The following LPP variants were observed in gnomAD, a reference collection of about 807,000 sequenced individuals.
LPP encodes lipoma-preferred partner.
A neutral mutation model predicts 60.4 loss-of-function variants in LPP; 38 were observed. That is an observed-to-expected ratio of 0.63 (90% CI 0.49 to 0.83). The LOEUF (loss-of-function observed/expected upper bound fraction) is 0.83, where lower values mean the gene tolerates loss of function less well. Among genes scored for constraint, LPP ranks in the 40% least tolerant of loss-of-function variants. The probability of loss-of-function intolerance (pLI) is 0.00; values close to 1 mark genes in which losing one functional copy is unlikely to be tolerated. For synonymous variants in LPP, 328 were observed against 290.8 expected, an observed-to-expected ratio of 1.13 and a Z score of -1.30; for missense variants, 902 against 783.6, an observed-to-expected ratio of 1.15 and a Z score of -1.80.
chr3:188,378,051 G>T (rs1457518564), intron 3 of LPP, among the ~76,000 whole-genome samples: 1 of 152,138 alleles, frequency 6.6e-6, no homozygotes, highest in Non-Finnish European at 1.5e-5. Context: ...GCTGCTGCCC[G>T]ATCATTCCTC....
chr3:188,592,120 G>A (rs1485575528), intron 6 of LPP, among the ~76,000 whole-genome samples: 1 of 152,106 alleles, frequency 6.6e-6, no homozygotes, highest in Non-Finnish European at 1.5e-5. Flanking sequence ...TTTTGTTCTG[G>A]TTTTGATTTT....
chr3:188,243,666 C>T (rs1190430314), intron 2 of LPP, among the ~76,000 whole-genome samples: 1 of 152,032 alleles, frequency 6.6e-6, no homozygotes, highest in East Asian at 1.9e-4. Flanking sequence ...GGCCATAGAC[C>T]ACCACACTGG....
rs145223794 is a variant in LPP, at chr3:188,212,360, A to C, written c.-189-13045A>C. ...CCAGTCACTTCCTTGTTTGGGGTGG[A>C]GGAGGTTTTTTCCTGGAATAGGACA... On this transcript the variant is annotated intron_variant, in intron 1 of 11. Coordinates refer to ENST00000617246, the MANE Select transcript of LPP (RefSeq NM_001375462.1). 3.2e-3 allele frequency among the ~76,000 whole-genome samples: 489 copies of C among 152,234 alleles called. 4 individuals carry two copies. The highest frequency in any genetic ancestry group is 0.011 in the African/African-American group (468 of 41,564).
chr3:188,709,541 G>A (rs1866182270), intron 8 of LPP: 1 of 152,054 alleles, frequency 6.6e-6, no homozygotes, highest in African/African-American at 2.4e-5. Flanking sequence ...ATTTTTAGTA[G>A]AGACGAGGTT....
chr3:188,240,880 C>T (rs1724343580), intron 2 of LPP, among the ~76,000 whole-genome samples: 1 of 152,266 alleles, frequency 6.6e-6, no homozygotes, highest in Non-Finnish European at 1.5e-5. Flanking sequence ...TAAAGTAATG[C>T]TCTGAAAAAG....
intron 2 of LPP, among the ~76,000 whole-genome samples, chr3:188,235,079 G>A (rs1440832080): frequency 6.6e-6 from 1 of 152,178 alleles, no homozygotes; most frequent in Non-Finnish European, 1.5e-5. Flanking sequence ...GGCTGAAGGT[G>A]CTGGAAACTT....
At chr3:188,766,580 G>A (rs1327353939) in intron 9 of LPP, among the ~76,000 whole-genome samples, 1 of 152,108 alleles carries the variant, frequency 6.6e-6, no homozygotes, top group Non-Finnish European at 1.5e-5. Flanking sequence ...TAGTTCCATA[G>A]AGTATGAGTG....
At chr3:188,459,579 T>C (rs80311210) in intron 4 of LPP, among the ~76,000 whole-genome samples, 28,730 of 152,116 alleles carry the variant, frequency 0.19, 3,361 homozygotes, top group Middle Eastern at 0.35. Flanking sequence ...CTTTTTAGTA[T>C]TGACTTTTCC....
chr3:188,712,710 T>C (rs1013107339), intron 8 of LPP: 2 of 152,230 alleles, frequency 1.3e-5, no homozygotes, highest in African/African-American at 4.8e-5. Flanking sequence ...TATTTAATGC[T>C]GGAATTTTTA....
chr3:188,745,714 G>A (rs1021994383), intron 8 of LPP, among the ~76,000 whole-genome samples: 1 of 152,146 alleles, frequency 6.6e-6, no homozygotes, highest in African/African-American at 2.4e-5. Context: ...GGAAGCTGAT[G>A]GGATAGAAAT....
At chr3:188,636,894 A>G (rs779267563) in intron 7 of LPP, among the ~76,000 whole-genome samples, 1 of 145,348 alleles carries the variant, frequency 6.9e-6, no homozygotes, top group Non-Finnish European at 1.5e-5. Flanking sequence ...CATCCACACC[A>G]AAAACCCATC....
intron 5 of LPP, among the ~76,000 whole-genome samples, chr3:188,503,875 T>G (rs1812685768): frequency 6.6e-6 from 1 of 152,234 alleles, no homozygotes; most frequent in African/African-American, 2.4e-5. Context: ...TCCGGTTGTC[T>G]TTGTCTTTTG....
At chr3:188,205,818 T>C (rs1733046561) in intron 1 of LPP, among the ~76,000 whole-genome samples, 1 of 152,192 alleles carries the variant, frequency 6.6e-6, no homozygotes. Flanking sequence ...AGGAGTCATC[T>C]TGAGGGATAT....
rs531629206 is a variant in LPP at position 188,367,193 on chromosome 3, G to A, written c.-10+25474G>A. Among the ~76,000 whole-genome samples the A allele has an allele frequency of 3.0e-4, 45 of 152,152 alleles. 1 individual carries two copies. The highest frequency in any genetic ancestry group is 1.0e-3 in the African/African-American group (42 of 41,530). On this transcript the variant is annotated intron_variant, in intron 3 of 11. Coordinates refer to ENST00000617246, the MANE Select transcript of LPP (RefSeq NM_001375462.1). ...TTACAGGCGTGAGCCACTGCACCTG[G>A]CCAGAAAGTTGATTCTTAGTTAAGC... is the stretch of plus-strand genomic sequence containing the variant.
At chr3:188,252,803 T>C (rs1300021419) in intron 2 of LPP, among the ~76,000 whole-genome samples, 3 of 152,140 alleles carry the variant, frequency 2.0e-5, no homozygotes, top group Non-Finnish European at 4.4e-5. Flanking sequence ...ACAGAGTCTC[T>C]CTCTGTTGCC....
At chr3:188,672,223 C>T (rs1857093977) in intron 7 of LPP, among the ~76,000 whole-genome samples, 1 of 151,906 alleles carries the variant, frequency 6.6e-6, no homozygotes, top group African/African-American at 2.4e-5. Flanking sequence ...GATACTAAGG[C>T]AGTTTGTTTC....
At chr3:188,762,979 T>C (rs1732898206) in intron 9 of LPP, among the ~76,000 whole-genome samples, 2 of 152,174 alleles carry the variant, frequency 1.3e-5, no homozygotes, top group African/African-American at 2.4e-5. Flanking sequence ...TTCTGAACTT[T>C]TATATGTCCA....
intron 7 of LPP, among the ~76,000 whole-genome samples, chr3:188,619,001 A>T (rs1429822269): frequency 6.6e-6 from 1 of 152,124 alleles, no homozygotes; most frequent in Non-Finnish European, 1.5e-5. Context: ...GTTTTACCAG[A>T]GGAAACCATG....
chr3:188,240,628 A>C, intron 2 of LPP, among the ~76,000 whole-genome samples: 1 of 152,230 alleles, frequency 6.6e-6, no homozygotes. Context: ...TTGGGTAGAA[A>C]CTTTCATATA....
Sources: gnomAD v4.1 joint callset for allele counts (sites outside exome capture counted in the v4.1 genomes callset) on GRCh38, gnomAD v4.1.1 for gene constraint, MANE v1.5 for transcripts, NCBI Gene and HGNC (gene_info 2026-07-23, HGNC 2026-07-21) for gene names.